The following RBMS3 variants were observed in gnomAD, a reference collection of about 807,000 sequenced individuals.
The protein encoded by RBMS3 is RNA-binding motif, single-stranded-interacting protein 3.
RBMS3 carries 27 observed loss-of-function variants against 66.8 expected under a neutral mutation model. The observed-to-expected ratio is 0.40, with a 90% CI of 0.30 to 0.56. RBMS3 has a LOEUF of 0.56. Ranked by LOEUF, RBMS3 falls within the 20% of genes least tolerant of loss-of-function variation. RBMS3 has a pLI of 0.40. For missense variants in RBMS3, 513 were observed against 549.5 expected (o/e 0.93, Z 0.66); for synonymous variants, 188 against 183.0 (o/e 1.03, Z -0.22).
At chr3:29,690,634 T>C (rs1472975866) in intron 4 of RBMS3, among the ~76,000 whole-genome samples, 2 of 152,238 alleles carry the variant, frequency 1.3e-5, no homozygotes, top group African/African-American at 4.8e-5. Context: ...CCAAGAGTTT[T>C]GAAAGTAATT....
chr3:29,619,712 T>C (rs951132467), intron 4 of RBMS3, among the ~76,000 whole-genome samples: 2 of 152,202 alleles, frequency 1.3e-5, no homozygotes, highest in Non-Finnish European at 2.9e-5. Flanking sequence ...ATTTCTGTGC[T>C]GTGAGATTTG....
At chr3:29,305,801 T>C (rs1473274642) in intron 1 of RBMS3, among the ~76,000 whole-genome samples, 1 of 152,034 alleles carries the variant, frequency 6.6e-6, no homozygotes, top group East Asian at 1.9e-4. Context: ...CTTATGCACA[T>C]GCTCTTTAAG....
chr3:29,672,743 T>C (rs187027228), intron 4 of RBMS3, among the ~76,000 whole-genome samples: 1 of 152,244 alleles, frequency 6.6e-6, no homozygotes, highest in Admixed American at 6.5e-5. Context: ...TATGTCTTAA[T>C]ATATATGCAC....
At chr3:29,758,105 C>A (rs2055505261) in intron 5 of RBMS3, among the ~76,000 whole-genome samples, 1 of 152,170 alleles carries the variant, frequency 6.6e-6, no homozygotes, top group African/African-American at 2.4e-5. Context: ...AGGTGAAACA[C>A]CCTTGACATC....
intron 7 of RBMS3, among the ~76,000 whole-genome samples, chr3:29,879,552 C>T (rs1478000713): frequency 6.6e-6 from 1 of 152,028 alleles, no homozygotes; most frequent in Non-Finnish European, 1.5e-5. Context: ...TCAACATTTT[C>T]TATACATTTA....
chr3:29,568,407 A>G (rs1302984348), intron 3 of RBMS3, among the ~76,000 whole-genome samples: 1 of 152,226 alleles, frequency 6.6e-6, no homozygotes, highest in African/African-American at 2.4e-5. Context: ...AAAGGAATAC[A>G]TTTGTCTGGT....
At chr3:29,546,108 TTGTGTGTGTGTGTGTG>T (rs71091070) in intron 3 of RBMS3, among the ~76,000 whole-genome samples, 4,925 of 146,014 alleles carry the variant, frequency 0.034, 109 homozygotes, top group Admixed American at 0.07. Context: ...TGAGACGGGT[TTGTGTGTGTGTGTGTG>T]TGTGTGTGTG....
intron 3 of RBMS3, among the ~76,000 whole-genome samples, chr3:29,576,383 C>T (rs533967535): frequency 6.6e-6 from 1 of 152,252 alleles, no homozygotes; most frequent in African/African-American, 2.4e-5. Flanking sequence ...GGGATTGACC[C>T]AGTGTGGTTC....
At chr3:29,520,890 G>A (rs749249994) in intron 3 of RBMS3, among the ~76,000 whole-genome samples, 14 of 152,030 alleles carry the variant, frequency 9.2e-5, no homozygotes, top group Non-Finnish European at 1.9e-4. Context: ...ACCTGCTAAG[G>A]TCAAGGTTCA....
At chr3:29,419,304 G>C (rs1303039267) in intron 1 of RBMS3, among the ~76,000 whole-genome samples, 2 of 152,036 alleles carry the variant, frequency 1.3e-5, no homozygotes, top group East Asian at 3.8e-4. Flanking sequence ...GGACTTCAAG[G>C]AGTAATTGTC....
At chr3:29,845,479 C>T (rs2058755088) in intron 6 of RBMS3, among the ~76,000 whole-genome samples, 1 of 152,116 alleles carries the variant, frequency 6.6e-6, no homozygotes, top group South Asian at 2.1e-4. Flanking sequence ...AATTAAATGC[C>T]TACATATGTG....
chr3:29,531,195 A>C (rs965879208), intron 3 of RBMS3, among the ~76,000 whole-genome samples: 1 of 152,228 alleles, frequency 6.6e-6, no homozygotes, highest in African/African-American at 2.4e-5. Flanking sequence ...TCAAACGTCT[A>C]CAAAACAGGA....
intron 3 of RBMS3, among the ~76,000 whole-genome samples, chr3:29,526,911 G>A (rs897902117): frequency 6.6e-6 from 1 of 151,430 alleles, no homozygotes; most frequent in South Asian, 2.1e-4. Context: ...TTCATGCTAA[G>A]CATTTATTTT....
rs184415696 is a variant in RBMS3 at position 29,281,560 on chromosome 3, G to A, written c.-122G>A. ...GCTGTGTTGGAACTAGCGAGTGGTG[G>A]AGTCTCTGAAGCCTCATCAGTCACC... On this transcript the variant is annotated 5_prime_UTR_variant, in exon 1 of 15. Coordinates refer to ENST00000383767, the MANE Select transcript of RBMS3 (RefSeq NM_001003793.3). 679 of 713,576 alleles carry A rather than the reference G, an allele frequency of 9.5e-4. 11 individuals carry two copies. In the Admixed American group the frequency reaches 0.015, roughly 16 times the overall value. The allele number at this position is 713,576 out of a possible 1,614,324, so 44.2% of individuals were successfully genotyped here. A position where few individuals can be genotyped will look rare whatever the true frequency, so the allele number is the denominator to read the frequency against.
chr3:29,921,502 TG>T (rs1251325509), intron 10 of RBMS3, among the ~76,000 whole-genome samples: 7 of 19,918 alleles, frequency 3.5e-4, no homozygotes, highest in Non-Finnish European at 5.3e-4. Context: ...GGCAGGGGGG[TG>T]GGGGGGCTGG....
At chr3:29,403,684 A>G (rs775892068) in intron 1 of RBMS3, among the ~76,000 whole-genome samples, 11 of 151,784 alleles carry the variant, frequency 7.2e-5, no homozygotes, top group Non-Finnish European at 1.6e-4. Flanking sequence ...AAAGTTGGAG[A>G]AAAAAAACAA....
intron 1 of RBMS3, among the ~76,000 whole-genome samples, chr3:29,328,671 G>A (rs1471045883): frequency 1.3e-5 from 2 of 151,750 alleles, no homozygotes; most frequent in Non-Finnish European, 2.9e-5. Flanking sequence ...TCCTTCTAAT[G>A]AGAGCTCAGG....
rs144868805 is a variant in RBMS3 at position 29,447,064 on chromosome 3, C to T, written c.248+12149C>T. 7.0e-3 allele frequency among the ~76,000 whole-genome samples: 1,066 copies of T among 151,954 alleles called. 9 individuals are homozygous for T. Among genetic ancestry groups the T allele is most frequent in the African/African-American group, 0.025 (1,024 of 41,446 alleles). On this transcript the variant is annotated intron_variant, in intron 2 of 14. Coordinates refer to ENST00000383767, the MANE Select transcript of RBMS3 (RefSeq NM_001003793.3). The stretch of plus-strand genomic sequence containing the variant: ...AGTAGCTGGGATTGCAGGCATCTGC[C>T]ACCACACCTGGCTAATTTTTGTATT...
chr3:29,568,810 G>A (rs1312681382), intron 3 of RBMS3, among the ~76,000 whole-genome samples: 2 of 152,158 alleles, frequency 1.3e-5, no homozygotes, highest in Non-Finnish European at 2.9e-5. Flanking sequence ...GGAGTGTTTG[G>A]CAAAGAGATT....
Sources: gnomAD v4.1 joint callset for allele counts (sites outside exome capture counted in the v4.1 genomes callset) on GRCh38, gnomAD v4.1.1 for gene constraint, MANE v1.5 for transcripts, NCBI Gene and HGNC (gene_info 2026-07-23, HGNC 2026-07-21) for gene names.